ITPR1: variants seen among roughly 807,000 people sequenced by gnomAD.
ITPR1 encodes the protein inositol 1,4,5-trisphosphate-gated calcium channel ITPR1.
Under a neutral mutation model 318.4 loss-of-function variants are expected in ITPR1, and 96 were observed. That is an observed-to-expected ratio of 0.30 (90% confidence interval 0.26 to 0.36). The LOEUF (loss-of-function observed/expected upper bound fraction) is 0.36, where lower values mean the gene tolerates loss of function less well. ITPR1 is among the 10% of genes least tolerant of loss of function. ITPR1 has a pLI of 1.00. For missense variants in ITPR1, 2,440 were observed against 3,460.2 expected (o/e 0.71, Z 7.40); for synonymous variants, 1,312 against 1,289.9 (o/e 1.02, Z -0.37).
chr3:4,574,460 T>C (rs770282710), intron 4 of ITPR1, among the ~76,000 whole-genome samples: 18 of 152,234 alleles, frequency 1.2e-4, no homozygotes, highest in Admixed American at 4.6e-4. Context: ...CTGTGAATTA[T>C]ATAATAGAAT....
intron 47 of ITPR1, 33 bp downstream of exon 47, chr3:4,775,475 A>G: frequency 6.5e-7 from 1 of 1,529,436 alleles, no homozygotes. Context: ...ATGGGGAAAA[A>G]AAGTGTCCCA....
At chr3:4,519,503 G>T (rs149958519) in intron 3 of ITPR1, among the ~76,000 whole-genome samples, 1 of 152,172 alleles carries the variant, frequency 6.6e-6, no homozygotes, top group Admixed American at 6.5e-5. Context: ...GGGATTACAG[G>T]TGTGAGCCAC....
intron 4 of ITPR1, among the ~76,000 whole-genome samples, chr3:4,567,841 C>T (rs946720586): frequency 3.9e-5 from 6 of 152,122 alleles, no homozygotes; most frequent in South Asian, 2.1e-4. Context: ...TGAGCTCAAG[C>T]GATCCACCTG....
intron 36 of ITPR1, among the ~76,000 whole-genome samples, chr3:4,704,758 A>G (rs1039809833): frequency 6.6e-6 from 1 of 151,470 alleles, no homozygotes; most frequent in African/African-American, 2.4e-5. Context: ...TGTCTGTGGA[A>G]CGGTAAGACA....
At chr3:4,625,846 C>T (rs370339764) in intron 4 of ITPR1, among the ~76,000 whole-genome samples, 3 of 152,216 alleles carry the variant, frequency 2.0e-5, no homozygotes, top group South Asian at 2.1e-4. Context: ...CGTGAGCCAC[C>T]GCATCTGGCC....
intron 47 of ITPR1, among the ~76,000 whole-genome samples, chr3:4,775,947 C>G (rs2046457261): frequency 6.6e-6 from 1 of 152,220 alleles, no homozygotes; most frequent in African/African-American, 2.4e-5. Flanking sequence ...ATAGTCTTGA[C>G]TTTGGTCTCT....
At chr3:4,628,346 C>G (rs1021809845) in intron 5 of ITPR1, among the ~76,000 whole-genome samples, 3 of 152,144 alleles carry the variant, frequency 2.0e-5, no homozygotes, top group Admixed American at 6.5e-5. Context: ...ATAATAAATG[C>G]TTGATAAGTT....
At position 4,674,088 on chromosome 3, in the gene ITPR1, G is replaced by T. The variant is rs1574798756; in HGVS notation, c.2457-114G>T. Reference sequence around the variant, plus strand: ...GCTAAGGAGGGAAAAAATAAAGTAGGGTCAAGGGATGCCAAGGGTTAGGGG... The same window carrying T: ...GCTAAGGAGGGAAAAAATAAAGTAGTGTCAAGGGATGCCAAGGGTTAGGGG... On this transcript the variant is annotated intron_variant, in intron 21 of 61. Coordinates refer to ENST00000649015, the MANE Select transcript of ITPR1 (RefSeq NM_001378452.1). 9.3e-6 allele frequency: 7 copies of T among 751,284 alleles called. No homozygotes were observed. In the East Asian group the frequency reaches 1.7e-4, roughly 18 times the overall value. The allele number at this position is 751,284 out of a possible 1,614,324, so 46.5% of individuals were successfully genotyped here.
At chr3:4,703,025 A>C in intron 36 of ITPR1, 75 bp downstream of exon 36, 1 of 1,507,688 alleles carries the variant, frequency 6.6e-7, no homozygotes, top group South Asian at 1.2e-5. Context: ...CCATTTATTG[A>C]GCACTCATTA....
intron 44 of ITPR1, among the ~76,000 whole-genome samples, chr3:4,765,226 G>A (rs2045739526): frequency 6.6e-6 from 1 of 152,106 alleles, no homozygotes; most frequent in Non-Finnish European, 1.5e-5. Flanking sequence ...ATTTGGCAGT[G>A]GCTGGAGGGA....
At chr3:4,804,027 A>G (rs983412923) in intron 54 of ITPR1, among the ~76,000 whole-genome samples, 4 of 152,134 alleles carry the variant, frequency 2.6e-5, no homozygotes, top group Admixed American at 6.5e-5. Flanking sequence ...GTGTGCCGCC[A>G]TGCCTGGCTA....
chr3:4,795,745 A>G (rs1028200195), intron 53 of ITPR1, among the ~76,000 whole-genome samples: 5 of 152,212 alleles, frequency 3.3e-5, no homozygotes, highest in Non-Finnish European at 7.3e-5. Flanking sequence ...TCACATAACA[A>G]AACATGATGA....
chr3:4,645,280 G>A (rs1041936957), intron 8 of ITPR1, 107 bp from the exon 9 acceptor site: 2 of 751,752 alleles, frequency 2.7e-6, no homozygotes, highest in Non-Finnish European at 4.7e-6. Context: ...AGAGTTTTTA[G>A]TCTCAAGTAC....
At chr3:4,799,281 C>T (rs149620615) in intron 53 of ITPR1, among the ~76,000 whole-genome samples, 7 of 152,336 alleles carry the variant, frequency 4.6e-5, no homozygotes, top group East Asian at 1.9e-4. Context: ...GCGTAGAAAG[C>T]GGCACATGTG....
intron 4 of ITPR1, among the ~76,000 whole-genome samples, chr3:4,624,739 T>C: frequency 6.6e-6 from 1 of 152,038 alleles, no homozygotes; most frequent in Middle Eastern, 3.4e-3. Flanking sequence ...TTTATTATAG[T>C]TTTATATTAT....
intron 35 of ITPR1, 129 bp downstream of exon 35, chr3:4,700,070 T>A (rs1434278222): frequency 2.7e-6 from 2 of 752,180 alleles, no homozygotes; most frequent in East Asian, 5.4e-5. Context: ...TATATTTCTC[T>A]TGGTGGAAGA....
chr3:4,777,413 ACAGT>A (rs1243812009), intron 48 of ITPR1, 39 bp downstream of exon 48: 2 of 1,309,708 alleles, frequency 1.5e-6, no homozygotes, highest in African/African-American at 2.9e-5. Flanking sequence ...TCATTTGGAA[ACAGT>A]CACTTTTGTG....
intron 4 of ITPR1, among the ~76,000 whole-genome samples, chr3:4,561,896 G>A (rs960555243): frequency 2.6e-5 from 4 of 152,186 alleles, no homozygotes; most frequent in African/African-American, 9.6e-5. Flanking sequence ...TTTTCTTAGA[G>A]GAATGATTTA....
At chr3:4,636,826 A>G (rs1424678831) in intron 5 of ITPR1, among the ~76,000 whole-genome samples, 1 of 152,250 alleles carries the variant, frequency 6.6e-6, no homozygotes, top group African/African-American at 2.4e-5. Context: ...TCTTTTGACA[A>G]ATGACTATGC....
Sources: gnomAD v4.1 joint callset for allele counts (sites outside exome capture counted in the v4.1 genomes callset) on GRCh38, gnomAD v4.1.1 for gene constraint, MANE v1.5 for transcripts, NCBI Gene and HGNC (gene_info 2026-07-23, HGNC 2026-07-21) for gene names.